The following TENM3 variants were observed in gnomAD, a reference collection of about 807,000 sequenced individuals.
The protein encoded by TENM3 is teneurin transmembrane protein 3.
TENM3 carries 63 observed loss-of-function variants against 255.1 expected under a neutral mutation model. That is an observed-to-expected ratio of 0.25 (90% confidence interval 0.20 to 0.30). The LOEUF (loss-of-function observed/expected upper bound fraction) is 0.30, where lower values mean the gene tolerates loss of function less well. TENM3 is among the 10% of genes least tolerant of loss of function. The pLI is 1.00. For missense variants in TENM3, 2,929 were observed against 3,461.1 expected (o/e 0.85, Z 3.86); for synonymous variants, 1,306 against 1,322.3 (o/e 0.99, Z 0.27).
At position 182,649,151 on chromosome 4, in the gene TENM3, T is replaced by C. The variant is rs1048140415; in HGVS notation, c.989-4620T>C. Among the ~76,000 whole-genome samples the C allele has an allele frequency of 3.1e-4, 42 of 134,738 alleles. 3 individuals carry two copies. The highest frequency in any genetic ancestry group is 6.6e-4 in the Admixed American group (9 of 13,626). 88.4% of individuals were successfully genotyped at this position (134,738 alleles called of 152,430 possible). A position where few individuals can be genotyped will look rare whatever the true frequency, so the allele number is the denominator to read the frequency against. On this transcript the variant is annotated intron_variant, in intron 5 of 27. Transcript: ENST00000511685. ...ACCACCATTTCTGAGATTTTTAATA[T>C]GAGAAAATACATCCCAATTCCAGAC...
chr4:182,371,813 C>T (rs1227595938), intron 3 of TENM3, among the ~76,000 whole-genome samples: 3 of 152,188 alleles, frequency 2.0e-5, no homozygotes, highest in African/African-American at 7.2e-5. Context: ...TTTCAACTTG[C>T]AGTTCTTAAT....
chr4:181,789,218 A>ATTTAT, the TENM3 span, among the ~76,000 whole-genome samples: 10,350 of 145,544 alleles, frequency 0.071, 395 homozygotes, highest in African/African-American at 0.079. Context: ...AGCCCCCTTT[A>ATTTAT]TTTATTTTAT....
At chr4:181,897,769 C>T in the TENM3 span, among the ~76,000 whole-genome samples, 51,848 of 152,048 alleles carry the variant, frequency 0.34, 9,049 homozygotes, top group East Asian at 0.5. Flanking sequence ...GTAAACAATG[C>T]ATTTATTAAC....
chr4:182,008,541 T>C, the TENM3 span, among the ~76,000 whole-genome samples: 1 of 151,954 alleles, frequency 6.6e-6, no homozygotes, highest in African/African-American at 2.4e-5. Flanking sequence ...TTGATACTTG[T>C]GTATGCTTCC....
the TENM3 span, among the ~76,000 whole-genome samples, chr4:181,577,008 TATATA>T: frequency 7.6e-6 from 1 of 131,744 alleles, no homozygotes; most frequent in African/African-American, 2.8e-5. Context: ...ATATAATATA[TATATA>T]ATATATGTAA....
chr4:181,533,146 A>G, the TENM3 span, among the ~76,000 whole-genome samples: 1 of 152,130 alleles, frequency 6.6e-6, no homozygotes, highest in East Asian at 1.9e-4. Flanking sequence ...CGGGAGGGGA[A>G]GAAGCAAGGA....
the TENM3 span, among the ~76,000 whole-genome samples, chr4:181,994,000 T>G: frequency 6.6e-6 from 1 of 152,168 alleles, no homozygotes; most frequent in Admixed American, 6.5e-5. Flanking sequence ...AGCTCCAAGT[T>G]TGTATACATG....
At chr4:182,717,045 C>T (rs768280671) in intron 13 of TENM3, among the ~76,000 whole-genome samples, 3 of 104,344 alleles carry the variant, frequency 2.9e-5, no homozygotes, top group Non-Finnish European at 6.0e-5. Context: ...AAGTTGCGTA[C>T]CATTCCCGGA....
At chr4:182,470,847 A>G (rs1733052606) in intron 3 of TENM3, among the ~76,000 whole-genome samples, 1 of 152,174 alleles carries the variant, frequency 6.6e-6, no homozygotes, top group Non-Finnish European at 1.5e-5. Flanking sequence ...ATTGCAACAC[A>G]TTTAGTTGCA....
At chr4:181,859,266 ATCCCTCATTTTT>A in the TENM3 span, among the ~76,000 whole-genome samples, 1 of 143,314 alleles carries the variant, frequency 7.0e-6, no homozygotes, top group Non-Finnish European at 1.6e-5. Flanking sequence ...AAAAAAAAAA[ATCCCTCATTTTT>A]CCTTATGCCA....
the TENM3 span, among the ~76,000 whole-genome samples, chr4:181,882,510 T>C: frequency 0.015 from 2,262 of 152,296 alleles, 54 homozygotes; most frequent in African/African-American, 0.052. Context: ...AAGACTGATA[T>C]ACAGGGGTGT....
In TENM3 at chr4:182,556,145, C is replaced by T. The variant is rs76047237; in HGVS notation, c.512-44779C>T. On this transcript the variant is annotated intron_variant, in intron 3 of 27. Transcript: ENST00000511685. ...GAATCTGGCTAGAAGGCACAACAAC[C>T]TCCCACCTTCCTAGTAGACCAAGGA... 2.0e-4 allele frequency among the ~76,000 whole-genome samples: 31 copies of T among 152,286 alleles called. No individual in the cohort carries two copies. In the East Asian group the frequency reaches 5.2e-3, roughly 26 times the overall value.
intron 3 of TENM3, among the ~76,000 whole-genome samples, chr4:182,477,898 GATGC>G (rs1313340667): frequency 6.6e-5 from 10 of 152,066 alleles, no homozygotes; most frequent in Non-Finnish European, 1.0e-4. Context: ...AAATTATGCA[GATGC>G]TCTGGAAAAT....
intron 1 of TENM3, among the ~76,000 whole-genome samples, chr4:182,224,634 G>T (rs1158371827): frequency 6.6e-6 from 1 of 152,084 alleles, no homozygotes; most frequent in Non-Finnish European, 1.5e-5. Flanking sequence ...GTTAGGGGAA[G>T]TGTGCACAGC....
rs577650364 is a variant in TENM3, at chr4:182,171,978, T to C, written c.-76+27224T>C. 6.4e-4 allele frequency among the ~76,000 whole-genome samples: 98 copies of C among 152,110 alleles called. 2 individuals carry two copies. Among genetic ancestry groups the C allele is most frequent in the Admixed American group, 1.2e-3 (18 of 15,244 alleles). ...GGGTCTGTTTTGACTTCAAAAGAGG[T>C]CTTATGTTATGATCATTTTCATTTG... On this transcript the variant is annotated intron_variant, in intron 1 of 2. Coordinates refer to the TENM3 transcript ENST00000512480.
At chr4:181,903,288 T>C in the TENM3 span, among the ~76,000 whole-genome samples, 185 of 152,294 alleles carry the variant, frequency 1.2e-3, 1 homozygote, top group African/African-American at 4.3e-3. Context: ...TTCCACCAAT[T>C]TGGAGAAAAA....
At chr4:181,678,855 A>AC in the TENM3 span, among the ~76,000 whole-genome samples, 4 of 151,278 alleles carry the variant, frequency 2.6e-5, no homozygotes, top group African/African-American at 9.7e-5. Flanking sequence ...AAAAAAAAAA[A>AC]CAGAGAAAAC....
intron 22 of TENM3, among the ~76,000 whole-genome samples, chr4:182,762,697 T>C (rs778031470): frequency 6.6e-6 from 1 of 152,146 alleles, no homozygotes; most frequent in Non-Finnish European, 1.5e-5. Context: ...CCTAGAGTGG[T>C]GTCAGAATAT....
the TENM3 span, among the ~76,000 whole-genome samples, chr4:181,868,141 G>A: frequency 6.6e-6 from 1 of 151,748 alleles, no homozygotes; most frequent in East Asian, 1.9e-4. Flanking sequence ...TGCACAGCTT[G>A]ATGGGTTTTT....
Sources: allele counts gnomAD v4.1 joint callset (sites outside exome capture counted in the v4.1 genomes callset), GRCh38; gene constraint gnomAD v4.1.1; transcripts MANE v1.5; gene names NCBI Gene and HGNC (gene_info 2026-07-23, HGNC 2026-07-21).